The following METTL24 variants were observed in gnomAD, a reference collection of about 807,000 sequenced individuals.
METTL24 encodes the protein probable methyltransferase-like protein 24.
In METTL24, 29 loss-of-function variants were observed where a neutral mutation model predicts 32.7. The observed-to-expected ratio is 0.89, with a 90% CI of 0.66 to 1.21. METTL24 has a LOEUF of 1.21. Among genes scored for constraint, METTL24 ranks in the 50% most tolerant of loss-of-function variants. The probability of loss-of-function intolerance (pLI) is 0.00; values close to 1 mark genes in which losing one functional copy is unlikely to be tolerated. For missense variants in METTL24, 439 were observed against 468.1 expected (o/e 0.94, Z 0.57); for synonymous variants, 163 against 179.5 (o/e 0.91, Z 0.73).
chr6:110,305,852 T>C lies in METTL24; in HGVS notation c.558-6702A>G, dbSNP rs537283154. On this transcript the variant is annotated intron_variant, in intron 3 of 4. Transcript: ENST00000338882. ...TAGATACCCAAAGGATTATAAATCA[T>C]TCTACTATAAAGGCACATGCACACA... Among the ~76,000 whole-genome samples the C allele has an allele frequency of 2.5e-4, 38 of 152,306 alleles. 1 individual carries two copies. In the South Asian group the frequency reaches 2.9e-3, roughly 12 times the overall value.
chr6:110,335,701 A>T (rs1772212531), intron 1 of METTL24, among the ~76,000 whole-genome samples: 1 of 151,472 alleles, frequency 6.6e-6, no homozygotes. Flanking sequence ...AGCTGGGCCT[A>T]CACTGCACCT....
At chr6:110,246,743 A>G (rs1415660662) in intron 4 of METTL24, among the ~76,000 whole-genome samples, 1 of 152,206 alleles carries the variant, frequency 6.6e-6, no homozygotes, top group Non-Finnish European at 1.5e-5. Flanking sequence ...AACTCTGCCA[A>G]GTCCTGACAG....
At chr6:110,295,004 TCTTTC>T (rs1771385174) in intron 4 of METTL24, among the ~76,000 whole-genome samples, 2 of 147,000 alleles carry the variant, frequency 1.4e-5, no homozygotes, top group African/African-American at 5.2e-5. Context: ...TTTCTTTTTT[TCTTTC>T]TTTCTTTTTT....
At chr6:110,347,915 C>T (rs1772511089) in intron 1 of METTL24, among the ~76,000 whole-genome samples, 1 of 152,176 alleles carries the variant, frequency 6.6e-6, no homozygotes. Context: ...TTATGGCTAG[C>T]TTTTATTTCA....
chr6:110,298,476 T>A (rs1383515379), intron 4 of METTL24, among the ~76,000 whole-genome samples: 2 of 152,184 alleles, frequency 1.3e-5, no homozygotes, highest in Non-Finnish European at 2.9e-5. Flanking sequence ...AGCCTAGACG[T>A]TCAAAATAGT....
intron 4 of METTL24, among the ~76,000 whole-genome samples, chr6:110,277,958 G>C (rs893773995): frequency 6.6e-5 from 10 of 152,122 alleles, no homozygotes. Context: ...TTCTTCACAT[G>C]ATAAATTTTC....
At chr6:110,356,914 G>A (rs1231851825) in intron 1 of METTL24, among the ~76,000 whole-genome samples, 3 of 152,226 alleles carry the variant, frequency 2.0e-5, no homozygotes, top group African/African-American at 7.2e-5. Context: ...AGTGAAGCCC[G>A]GCAGGAGTGC....
chr6:110,270,222 T>C (rs1770930857), intron 4 of METTL24, among the ~76,000 whole-genome samples: 1 of 152,096 alleles, frequency 6.6e-6, no homozygotes, highest in Admixed American at 6.6e-5. Context: ...TTGACTTCAG[T>C]GGTGGCTCGT....
chr6:110,245,336 G>A lies in METTL24; in HGVS notation c.*610C>T, dbSNP rs192885267. ...GTCTCGAACTGGAACTTACACCTTC[G>A]TGTTGAAGCTCTTGATAGTCTAGTC... is the stretch of plus-strand genomic sequence containing the variant. On this transcript the variant is annotated 3_prime_UTR_variant, in exon 5 of 5. Transcript: ENST00000338882. Among the ~76,000 whole-genome samples, 9 of 152,224 alleles carry A rather than the reference G, an allele frequency of 5.9e-5. No individual in the cohort carries two copies. In the East Asian group the frequency reaches 1.4e-3, roughly 23 times the overall value.
In METTL24 at chr6:110,245,911, A is replaced by T. The variant is rs200063682; in HGVS notation, c.*35T>A. Reference sequence around the variant, plus strand: ...AATTATGGACATGCTGCATTCTGCAAATATTTTCTTGTGCTCTTGATGACA... The same window carrying T: ...AATTATGGACATGCTGCATTCTGCATATATTTTCTTGTGCTCTTGATGACA... On this transcript the variant is annotated 3_prime_UTR_variant, in exon 5 of 5. Transcript: ENST00000338882. 6.4e-7 allele frequency: 1 copy of T among 1,561,122 alleles called. No individual in the cohort carries two copies. Among genetic ancestry groups the T allele is most frequent in the Admixed American group, 1.8e-5 (1 of 56,818 alleles).
chr6:110,344,640 G>A (rs2114774443), intron 1 of METTL24, among the ~76,000 whole-genome samples: 1 of 152,154 alleles, frequency 6.6e-6, no homozygotes, highest in East Asian at 1.9e-4. Flanking sequence ...TATATACCTG[G>A]AATGTATATA....
chr6:110,278,282 CA>C (rs1771080877), intron 4 of METTL24, among the ~76,000 whole-genome samples: 1 of 152,186 alleles, frequency 6.6e-6, no homozygotes, highest in African/African-American at 2.4e-5. Context: ...GCTAATGCCT[CA>C]GGCTTCTCTA....
At chr6:110,339,897 T>C (rs1772317980) in intron 1 of METTL24, among the ~76,000 whole-genome samples, 1 of 152,166 alleles carries the variant, frequency 6.6e-6, no homozygotes, top group Non-Finnish European at 1.5e-5. Context: ...GCCAGAGTAA[T>C]GTTGGTGCCT....
intron 4 of METTL24, among the ~76,000 whole-genome samples, chr6:110,295,840 A>AGGAAGGAAGGAAGGTT (rs1004909247): frequency 6.8e-6 from 1 of 147,228 alleles, no homozygotes; most frequent in South Asian, 2.1e-4. Flanking sequence ...GAAGGAAGGA[A>AGGAAGGAAGGAAGGTT]GGTTCTCTAT....
At chr6:110,335,920 C>A (rs990788316) in intron 1 of METTL24, among the ~76,000 whole-genome samples, 1 of 152,288 alleles carries the variant, frequency 6.6e-6, no homozygotes, top group East Asian at 1.9e-4. Context: ...CTGCCTCCAA[C>A]CCAGGTCTGA....
In METTL24 at chr6:110,298,249, T is replaced by A. The variant is rs1562229292; in HGVS notation, c.786+673A>T. Reference sequence around the variant, plus strand: ...ACTGCACTCAGGAGAAATTCTCTAGTATCTGCCTACAGAATACAGTTAGCT... The same window carrying A: ...ACTGCACTCAGGAGAAATTCTCTAGAATCTGCCTACAGAATACAGTTAGCT... On this transcript the variant is annotated intron_variant, in intron 4 of 4. Transcript: ENST00000338882. 2.0e-5 allele frequency among the ~76,000 whole-genome samples: 3 copies of A among 152,220 alleles called. 1 individual carries two copies. Among genetic ancestry groups the A allele is most frequent in the Admixed American group, 2.0e-4 (3 of 15,284 alleles).
chr6:110,276,463 A>C (rs1438269037), intron 4 of METTL24, among the ~76,000 whole-genome samples: 1 of 152,138 alleles, frequency 6.6e-6, no homozygotes, highest in Non-Finnish European at 1.5e-5. Flanking sequence ...AAACAAACAA[A>C]CAAAAAACAT....
chr6:110,287,102 T>C (rs1771235468), intron 4 of METTL24, among the ~76,000 whole-genome samples: 1 of 152,230 alleles, frequency 6.6e-6, no homozygotes, highest in Non-Finnish European at 1.5e-5. Flanking sequence ...CAGATGGGCT[T>C]TCTACTCTAT....
chr6:110,256,170 C>T (rs1778379457), intron 4 of METTL24, among the ~76,000 whole-genome samples: 1 of 151,794 alleles, frequency 6.6e-6, no homozygotes. Context: ...CATGTGCATA[C>T]ACACACACAC....
Sources: gnomAD v4.1 joint callset for allele counts (sites outside exome capture counted in the v4.1 genomes callset) on GRCh38, gnomAD v4.1.1 for gene constraint, MANE v1.5 for transcripts, NCBI Gene and HGNC (gene_info 2026-07-23, HGNC 2026-07-21) for gene names.